OTOL1: variants seen among roughly 807,000 people sequenced by gnomAD.
The protein encoded by OTOL1 is otolin 1.
A neutral mutation model predicts 25.0 loss-of-function variants in OTOL1; 31 were observed. That is an observed-to-expected ratio of 1.24 (90% CI 0.93 to 1.67). The LOEUF is 1.67. Among genes scored for constraint, OTOL1 ranks in the 40% most tolerant of loss-of-function variants. The pLI is 0.00. For missense variants in OTOL1, 654 were observed against 587.7 expected (o/e 1.11, Z -1.17); for synonymous variants, 225 against 210.3 (o/e 1.07, Z -0.61).
Position 161,502,490 on chromosome 3 carries a change from T to G in OTOL1, c.517+121T>G. ...CTGAAAATACAAATTACTGTTATTCTTCTAATAATTCAGTGTACTGACTCA... is the reference window on the plus strand; with the variant it reads ...CTGAAAATACAAATTACTGTTATTCGTCTAATAATTCAGTGTACTGACTCA... On this transcript the variant is annotated intron_variant, in intron 3 of 3. Transcript: ENST00000327928. 5.9e-6 allele frequency: 5 copies of G among 852,402 alleles called. No individual in the cohort carries two copies. The South Asian group carries it at 8.3e-5, about 14-fold the overall frequency. 52.8% of individuals were successfully genotyped at this position (852,402 alleles called of 1,614,324 possible).
Position 161,503,626 on chromosome 3 carries a change from A to G in OTOL1, c.1118A>G (p.Tyr373Cys). The G allele has an allele frequency of 3.1e-6, 5 of 1,613,906 alleles. No homozygotes were observed. Among genetic ancestry groups the G allele is most frequent in the Non-Finnish European group, 4.2e-6 (5 of 1,179,842 alleles). The change falls in exon 4 of 4, where the codon TAC (tyrosine) becomes TGC (cysteine). Residue 373 changes from tyrosine (Y) to cysteine (C), a missense_variant. Physicochemically the swap from Tyr to Cys is radical, Grantham distance 194. Transcript: ENST00000327928. ...ATTCTCTATAATGACCAAGGGAATTACAGTCCTGTCACTGGGAAGTTTAAC... is the reference window on the plus strand; with the variant it reads ...ATTCTCTATAATGACCAAGGGAATTGCAGTCCTGTCACTGGGAAGTTTAAC... ...EKILYNDQGN[Y>C]SPVTGKFNCS...
At chr3:161,501,008 G>A (rs557590175) in intron 2 of OTOL1, among the ~76,000 whole-genome samples, 2 of 152,090 alleles carry the variant, frequency 1.3e-5, no homozygotes, top group Non-Finnish European at 2.9e-5. Context: ...AATATAGGTA[G>A]CAAATTGATG....
intron 2 of OTOL1, among the ~76,000 whole-genome samples, chr3:161,500,144 T>TA (rs1471900091): frequency 6.6e-6 from 1 of 152,200 alleles, no homozygotes; most frequent in African/African-American, 2.4e-5. Context: ...AAAGGCCTAA[T>TA]ACCATCTATA....
chr3:161,499,291 G>A (rs1433388612), intron 2 of OTOL1, 31 bp downstream of exon 2: 1 of 1,506,908 alleles, frequency 6.6e-7, no homozygotes, highest in African/African-American at 1.4e-5. Flanking sequence ...AAAACTCAAG[G>A]GACATTCTGC....
At position 161,502,387 on chromosome 3, in the gene OTOL1, T is replaced by C. The variant is rs1247737765; in HGVS notation, c.517+18T>C. On this transcript the variant is annotated intron_variant, in intron 3 of 3. Coordinates refer to ENST00000327928, the MANE Select transcript of OTOL1 (RefSeq NM_001080440.1). ...AGCACAAGGTAGAGCATGAAATGTA[T>C]CTACTGTGTACAGTCAGGTGCGCAG... 3 of 1,606,922 alleles carry C rather than the reference T, an allele frequency of 1.9e-6. No individual in the cohort carries two copies. In the Admixed American group the frequency reaches 5.0e-5, roughly 27 times the overall value.
At position 161,502,174 on chromosome 3, in the gene OTOL1, C is replaced by G. The variant is rs534842624; in HGVS notation, c.455-133C>G. On this transcript the variant is annotated intron_variant, in intron 2 of 3. Coordinates refer to ENST00000327928, the MANE Select transcript of OTOL1 (RefSeq NM_001080440.1). Reference sequence around the variant, plus strand: ...TGAGCCGCCGTGCCTGGCGTACATTCTTTTTCCACACGATTTAACTTTAGC... The same window carrying G: ...TGAGCCGCCGTGCCTGGCGTACATTGTTTTTCCACACGATTTAACTTTAGC... 4.3e-5 allele frequency: 35 copies of G among 820,684 alleles called. No homozygotes were observed. The East Asian group carries it at 9.2e-4, about 21-fold the overall frequency. 50.8% of individuals were successfully genotyped at this position (820,684 alleles called of 1,614,324 possible). A position where few individuals can be genotyped will look rare whatever the true frequency, so the allele number is the denominator to read the frequency against.
intron 2 of OTOL1, among the ~76,000 whole-genome samples, chr3:161,501,826 C>T (rs951738688): frequency 6.6e-6 from 1 of 152,078 alleles, no homozygotes; most frequent in Non-Finnish European, 1.5e-5. Flanking sequence ...GCCTCCAGAT[C>T]GCTAAAATAG....
chr3:161,502,671 G>C (rs1246853600), intron 3 of OTOL1, among the ~76,000 whole-genome samples: 1 of 152,054 alleles, frequency 6.6e-6, no homozygotes, highest in Non-Finnish European at 1.5e-5. Flanking sequence ...ACAATATGGG[G>C]ATTTAGGGGA....
chr3:161,501,535 A>G (rs1284357239), intron 2 of OTOL1, among the ~76,000 whole-genome samples: 2 of 142,644 alleles, frequency 1.4e-5, no homozygotes, highest in Admixed American at 7.0e-5. Context: ...GATACTCTAT[A>G]TAAAGAACAG....
In OTOL1 at chr3:161,503,704, G is replaced by A. The variant is rs969860803; in HGVS notation, c.1196G>A (p.Arg399Gln). ...TCCTACCATATTACGGTGAGGGGGC[G>A]ACCTGCTCGAATCAGTCTGGTGGCC... ...VFSYHITVRG[R>Q]PARISLVAQN... Residue 399 changes from arginine (R) to glutamine (Q), a missense_variant, in exon 4 of 4, where the codon CGA (arginine) becomes CAA (glutamine). By Grantham distance (43) the Arg-to-Gln change is conservative. Transcript: ENST00000327928. 1.9e-6 allele frequency: 3 copies of A among 1,613,596 alleles called. No homozygotes were observed. Among genetic ancestry groups the A allele is most frequent in the Admixed American group, 3.3e-5 (2 of 59,990 alleles).
intron 2 of OTOL1, among the ~76,000 whole-genome samples, chr3:161,502,060 GTTT>G (rs2108229735): frequency 6.6e-6 from 1 of 152,248 alleles, no homozygotes; most frequent in Admixed American, 6.5e-5. Context: ...TAGAGATGGG[GTTT>G]CACCATGTTG....
At chr3:161,498,087 G>T (rs1305749325) in intron 1 of OTOL1, among the ~76,000 whole-genome samples, 1 of 152,166 alleles carries the variant, frequency 6.6e-6, no homozygotes, top group Admixed American at 6.5e-5. Context: ...ATGGGCCGTA[G>T]CTTGGGTACC....
intron 1 of OTOL1, 103 bp downstream of exon 1, chr3:161,497,274 C>T (rs1455740945): frequency 2.3e-6 from 3 of 1,328,114 alleles, no homozygotes; most frequent in Non-Finnish European, 3.1e-6. Context: ...CGTTGTTATG[C>T]AAATAGTAAC....
Position 161,503,328 on chromosome 3 carries a change from GA to G in OTOL1, c.822del (p.Gly275AlafsTer24). 1.9e-6 allele frequency: 3 copies of G among 1,567,358 alleles called. No homozygotes were observed. Among genetic ancestry groups the G allele is most frequent in the Non-Finnish European group, 1.7e-6 (2 of 1,159,336 alleles). ...AGGTAGCAAAGGAGACAGTGGAATG[GA>G]AGGCAAAAGCGGCCGTAATGGTCTG... ...EKGSKGDSGM[E>X]GKSGRNGLPG... On this transcript the variant is annotated frameshift_variant, in exon 4 of 4. Transcript: ENST00000327928. LOFTEE classifies it low-confidence loss of function (END_TRUNC).
intron 1 of OTOL1, among the ~76,000 whole-genome samples, chr3:161,497,622 T>G (rs1718868885): frequency 6.6e-6 from 1 of 152,142 alleles, no homozygotes; most frequent in Non-Finnish European, 1.5e-5. Flanking sequence ...TCTGTTGCCT[T>G]GCAAGAATGT....
At chr3:161,499,030 G>C in intron 1 of OTOL1, 141 bp from the exon 2 acceptor site, 1 of 699,742 alleles carries the variant, frequency 1.4e-6, no homozygotes, top group Non-Finnish European at 2.5e-6. Context: ...TTAGGACTCT[G>C]TGTGGTTTAT....
At position 161,496,820 on chromosome 3, in the gene OTOL1, T is replaced by C. The variant is rs781381914; in HGVS notation, c.13T>C (p.Ser5Pro). Reference protein sequence around the residue: MWMFSWLCAILIILA... With the variant: MWMFPWLCAILIILA... Reference sequence around the variant, plus strand: ...TCCAGCTTCAAATATGTGGATGTTTTCTTGGCTTTGTGCTATTTTAATTAT... The same window carrying C: ...TCCAGCTTCAAATATGTGGATGTTTCCTTGGCTTTGTGCTATTTTAATTAT... Residue 5 changes from serine to proline, a missense_variant, in exon 1 of 4, where the codon TCT becomes CCT. Coordinates refer to ENST00000327928, the MANE Select transcript of OTOL1 (RefSeq NM_001080440.1). The C allele has an allele frequency of 7.6e-6, 12 of 1,575,428 alleles. No homozygotes were observed. Among genetic ancestry groups the C allele is most frequent in the African/African-American group, 4.1e-5 (3 of 73,156 alleles).
chr3:161,501,901 CTG>C (rs1718981298), intron 2 of OTOL1, among the ~76,000 whole-genome samples: 1 of 152,196 alleles, frequency 6.6e-6, no homozygotes, highest in Non-Finnish European at 1.5e-5. Flanking sequence ...AAGTCTCACT[CTG>C]TCACCCAGGC....
Position 161,497,019 on chromosome 3 carries a change from A to C in OTOL1, c.212A>C (p.Lys71Thr), listed in dbSNP as rs1718849079. The part of the protein sequence containing the change: ...EMAEMAEPIT[K>T]PSALDSVFGT... ...GCTGAAATGGCAGAACCAATTACCA[A>C]ACCCTCGGCCTTGGATTCTGTCTTT... The change falls in exon 1 of 4, where the codon AAA (lysine) becomes ACA (threonine). Residue 71 changes from lysine (K) to threonine (T), a missense_variant. Physicochemically the swap from Lys to Thr is moderately conservative, Grantham distance 78 (BLOSUM62 -1). Transcript: ENST00000327928. 1.9e-6 allele frequency: 3 copies of C among 1,613,496 alleles called. No homozygotes were observed. Among genetic ancestry groups the C allele is most frequent in the Non-Finnish European group, 1.7e-6 (2 of 1,179,662 alleles).
Sources: allele counts gnomAD v4.1 joint callset (sites outside exome capture counted in the v4.1 genomes callset), GRCh38; gene constraint gnomAD v4.1.1; transcripts MANE v1.5; gene names NCBI Gene and HGNC (gene_info 2026-07-23, HGNC 2026-07-21).